Variants in LRRC49 observed in about 807,000 individuals in gnomAD.
LRRC49 encodes leucine rich repeat containing 49, also known as leucine-rich repeat-containing protein 49.
Under a neutral mutation model 83.3 loss-of-function variants are expected in LRRC49, and 50 were observed. The observed-to-expected ratio is 0.60, with a 90% CI of 0.48 to 0.76. LRRC49 has a LOEUF of 0.76. LRRC49 is among the 30% of genes least tolerant of loss of function. The pLI is 0.00. For missense variants in LRRC49, 704 were observed against 809.1 expected, an observed-to-expected ratio of 0.87 and a Z score of 1.58; for synonymous variants, 286 against 283.3, an observed-to-expected ratio of 1.01 and a Z score of -0.10.
chr15:70,897,357 C>G (rs1445293881), intron 3 of LRRC49, among the ~76,000 whole-genome samples: 1 of 152,042 alleles, frequency 6.6e-6, no homozygotes, highest in African/African-American at 2.4e-5. Context: ...GGAAAAAAAA[C>G]CTAATTGGTT....
chr15:70,990,809 GT>G (rs2037850062), intron 11 of LRRC49, among the ~76,000 whole-genome samples: 1 of 152,174 alleles, frequency 6.6e-6, no homozygotes, highest in Admixed American at 6.5e-5. Flanking sequence ...TAGGGATAGT[GT>G]TTTTCTGCCC....
intron 5 of LRRC49, among the ~76,000 whole-genome samples, chr15:70,905,759 T>A (rs910769617): frequency 2.6e-5 from 4 of 152,174 alleles, no homozygotes; most frequent in African/African-American, 9.7e-5. Context: ...TTCAGATTCT[T>A]CTTGGTGTCT....
chr15:71,012,792 G>A lies in LRRC49; in HGVS notation c.1594-12G>A, dbSNP rs768282844. 1.3e-6 allele frequency: 2 copies of A among 1,526,366 alleles called. No individual in the cohort carries two copies. The highest frequency in any genetic ancestry group is 2.3e-5 in the East Asian group (1 of 44,328). 94.6% of individuals were successfully genotyped at this position (1,526,366 alleles called of 1,614,324 possible). A position where few individuals can be genotyped will look rare whatever the true frequency, so the allele number is the denominator to read the frequency against. On this transcript the variant is annotated splice_polypyrimidine_tract_variant and intron_variant, in intron 13 of 15. Coordinates refer to ENST00000260382, the MANE Select transcript of LRRC49 (RefSeq NM_017691.5). Reference sequence around the variant, plus strand: ...TGTCATTTTTTTACCCCTTTCTATTGTGTCTCTTCAGGTGACACAGAATGA... The same window carrying A: ...TGTCATTTTTTTACCCCTTTCTATTATGTCTCTTCAGGTGACACAGAATGA...
intron 5 of LRRC49, among the ~76,000 whole-genome samples, chr15:70,910,937 GAA>G (rs2034524856): frequency 6.6e-6 from 1 of 152,168 alleles, no homozygotes; most frequent in South Asian, 2.1e-4. Context: ...GCAGAAAAAG[GAA>G]AGAGTAATGG....
At chr15:70,916,748 G>A (rs1032496796) in intron 6 of LRRC49, among the ~76,000 whole-genome samples, 8 of 152,120 alleles carry the variant, frequency 5.3e-5, no homozygotes, top group Admixed American at 4.6e-4. Flanking sequence ...GAGTTGGGGC[G>A]GGAGCTCCCC....
intron 8 of LRRC49, among the ~76,000 whole-genome samples, chr15:70,946,321 A>G (rs1265825207): frequency 1.3e-5 from 2 of 152,116 alleles, no homozygotes; most frequent in African/African-American, 4.8e-5. Flanking sequence ...TAGATTTCTC[A>G]TATGAGTGAG....
At chr15:70,876,069 C>T (rs958045455) in intron 2 of LRRC49, among the ~76,000 whole-genome samples, 20 of 152,072 alleles carry the variant, frequency 1.3e-4, no homozygotes, top group African/African-American at 3.9e-4. Context: ...TTCTCATTTT[C>T]GATCACTTTT....
At chr15:70,916,289 T>TTTA (rs975551880) in intron 6 of LRRC49, among the ~76,000 whole-genome samples, 16 of 151,992 alleles carry the variant, frequency 1.1e-4, no homozygotes, top group South Asian at 4.2e-4. Flanking sequence ...GTGCTGATTA[T>TTTA]TTATTATTAT....
intron 2 of LRRC49, chr15:70,873,234 A>G: frequency 1.3e-6 from 2 of 1,536,004 alleles, no homozygotes; most frequent in Non-Finnish European, 1.7e-6. Context: ...GTAAGTCTAC[A>G]CTTTCAGTTG....
intron 9 of LRRC49, among the ~76,000 whole-genome samples, chr15:70,978,704 C>A (rs1056349826): frequency 6.6e-6 from 1 of 152,100 alleles, no homozygotes; most frequent in Non-Finnish European, 1.5e-5. Context: ...AATTACTGAA[C>A]AGACATGGTT....
At chr15:71,041,497 A>G (rs2039698757) in intron 15 of LRRC49, among the ~76,000 whole-genome samples, 1 of 152,186 alleles carries the variant, frequency 6.6e-6, no homozygotes. Flanking sequence ...AAGAAGATAT[A>G]AGGAAAAACC....
chr15:70,957,337 A>G (rs1189430841), intron 8 of LRRC49, among the ~76,000 whole-genome samples: 1 of 152,222 alleles, frequency 6.6e-6, no homozygotes, highest in Non-Finnish European at 1.5e-5. Flanking sequence ...TAAGTTTTCC[A>G]GCTTGTCTAT....
chr15:70,902,123 G>T (rs2141109284), intron 4 of LRRC49, among the ~76,000 whole-genome samples: 1 of 152,294 alleles, frequency 6.6e-6, no homozygotes, highest in Middle Eastern at 3.4e-3. Context: ...AGTGGTTTAT[G>T]AGAATGCTGT....
In LRRC49 at chr15:70,882,729, A is replaced by G. The variant is rs558623535; in HGVS notation, c.18+9506A>G. The G allele has an allele frequency of 1.4e-5, 23 of 1,613,590 alleles. No individual in the cohort carries two copies. The African/African-American group carries it at 2.0e-4, about 14-fold the overall frequency. On this transcript the variant is annotated intron_variant, in intron 2 of 16. Coordinates refer to the LRRC49 transcript ENST00000544974. ...CTTTAATATACGAAAGATCAATTCA[A>G]TTGCTTAATCCATTGAAGAGTCAAA... is the stretch of plus-strand genomic sequence containing the variant.
intron 2 of LRRC49, chr15:70,882,887 C>A (rs1179528212): frequency 1.9e-6 from 3 of 1,613,932 alleles, no homozygotes; most frequent in Non-Finnish European, 2.5e-6. Flanking sequence ...TGGGTTTGCA[C>A]AAGTTCATTT....
chr15:70,862,010 A>G (rs1359324896), intron 1 of LRRC49, among the ~76,000 whole-genome samples: 2 of 152,224 alleles, frequency 1.3e-5, no homozygotes, highest in African/African-American at 2.4e-5. Flanking sequence ...CAGGTATGAA[A>G]GTGATTGGTA....
chr15:70,876,086 T>C (rs1392327707), intron 2 of LRRC49, among the ~76,000 whole-genome samples: 1 of 152,168 alleles, frequency 6.6e-6, no homozygotes, highest in African/African-American at 2.4e-5. Flanking sequence ...TTTTGCCAGG[T>C]AAATAATGAA....
intron 5 of LRRC49, among the ~76,000 whole-genome samples, chr15:70,911,012 A>G (rs2034527152): frequency 6.6e-6 from 1 of 152,250 alleles, no homozygotes; most frequent in Non-Finnish European, 1.5e-5. Context: ...GAGTTGTTTG[A>G]TCTGAGACCT....
chr15:70,871,949 C>T (rs1428811037), intron 1 of LRRC49, among the ~76,000 whole-genome samples: 2 of 146,378 alleles, frequency 1.4e-5, no homozygotes, highest in African/African-American at 5.1e-5. Flanking sequence ...ACATCCCAGA[C>T]GATGGGCGGC....
Sources: gnomAD v4.1 joint callset for allele counts (sites outside exome capture counted in the v4.1 genomes callset) on GRCh38, gnomAD v4.1.1 for gene constraint, MANE v1.5 for transcripts, NCBI Gene and HGNC (gene_info 2026-07-23, HGNC 2026-07-21) for gene names.